EXOC4: variants seen among roughly 807,000 people sequenced by gnomAD.
The protein encoded by EXOC4 is SEC8-like 1.
A neutral mutation model predicts 107.2 loss-of-function variants in EXOC4; 71 were observed. That is an observed-to-expected ratio of 0.66 (90% CI 0.55 to 0.81). The LOEUF is 0.81. Ranked by LOEUF, EXOC4 falls within the 30% of genes least tolerant of loss-of-function variation. EXOC4 has a pLI of 0.00. For synonymous variants in EXOC4, 456 were observed against 441.2 expected (o/e 1.03, Z -0.42); for missense variants, 1,108 against 1,189.6 (o/e 0.93, Z 1.01).
chr7:133,563,500 G>GT (rs1800848522), intron 9 of EXOC4, among the ~76,000 whole-genome samples: 1 of 152,150 alleles, frequency 6.6e-6, no homozygotes, highest in African/African-American at 2.4e-5. Context: ...TGTCGAAAAA[G>GT]TAAGATGATT....
intron 5 of EXOC4, among the ~76,000 whole-genome samples, chr7:133,352,095 T>C (rs1360040396): frequency 1.3e-5 from 2 of 151,994 alleles, no homozygotes; most frequent in African/African-American, 4.8e-5. Context: ...GGCAGCCTAA[T>C]ATATGGTTTG....
rs1008946324 is a variant in EXOC4 at position 133,722,429 on chromosome 7, A to G, written c.1514+92288A>G. ...TTTCTCCTTTAGAAATCAAGATTCT[A>G]CAGAATGAGAAATGCTAAGGAAGCA... On this transcript the variant is annotated intron_variant, in intron 10 of 17. Coordinates refer to ENST00000253861, the MANE Select transcript of EXOC4 (RefSeq NM_021807.4). Among the ~76,000 whole-genome samples, 8 of 152,214 alleles carry G rather than the reference A, an allele frequency of 5.3e-5. 1 individual carries two copies. Among genetic ancestry groups the G allele is most frequent in the Non-Finnish European group, 1.2e-4 (8 of 68,036 alleles).
intron 10 of EXOC4, among the ~76,000 whole-genome samples, chr7:133,653,642 T>C (rs764115895): frequency 2.6e-5 from 4 of 152,220 alleles, no homozygotes; most frequent in Admixed American, 6.5e-5. Context: ...CCTTTCCCTA[T>C]ATAGCTGAGT....
At chr7:133,538,904 G>A (rs1800328860) in intron 9 of EXOC4, among the ~76,000 whole-genome samples, 1 of 149,174 alleles carries the variant, frequency 6.7e-6, no homozygotes, top group African/African-American at 2.5e-5. Flanking sequence ...AGGGAGGGAA[G>A]GAAGGAAGGA....
chr7:133,345,458 ATC>A (rs1164791075), intron 5 of EXOC4, among the ~76,000 whole-genome samples: 2 of 152,144 alleles, frequency 1.3e-5, no homozygotes, highest in Non-Finnish European at 2.9e-5. Flanking sequence ...CAGTTTATTC[ATC>A]TGTTCCTTGT....
At chr7:133,411,934 G>T (rs919360327) in intron 7 of EXOC4, among the ~76,000 whole-genome samples, 1 of 152,066 alleles carries the variant, frequency 6.6e-6, no homozygotes, top group African/African-American at 2.4e-5. Flanking sequence ...GTGCTCACCT[G>T]CTGTTTTTCT....
At chr7:133,703,770 G>A (rs1364593056) in intron 10 of EXOC4, among the ~76,000 whole-genome samples, 5 of 152,088 alleles carry the variant, frequency 3.3e-5, no homozygotes, top group Non-Finnish European at 7.4e-5. Flanking sequence ...ATCAGCTGTG[G>A]CCAGTGTCGT....
At chr7:133,680,826 A>G (rs2151067971) in intron 10 of EXOC4, among the ~76,000 whole-genome samples, 1 of 152,294 alleles carries the variant, frequency 6.6e-6, no homozygotes, top group East Asian at 1.9e-4. Context: ...CATTATAATA[A>G]ATACCAACAT....
intron 11 of EXOC4, among the ~76,000 whole-genome samples, chr7:133,878,426 C>T (rs767351369): frequency 1.1e-4 from 17 of 152,198 alleles, no homozygotes; most frequent in Non-Finnish European, 1.8e-4. Flanking sequence ...CCTCTATTTC[C>T]TGTTACTAGA....
the EXOC4 span, among the ~76,000 whole-genome samples, chr7:134,076,398 G>A: frequency 1.3e-5 from 2 of 152,156 alleles, no homozygotes; most frequent in African/African-American, 4.8e-5. Context: ...GGCACCTGTA[G>A]TCCCAGCTAC....
intron 14 of EXOC4, among the ~76,000 whole-genome samples, chr7:133,963,075 C>T (rs558242963): frequency 5.1e-4 from 77 of 152,362 alleles, no homozygotes; most frequent in Non-Finnish European, 9.3e-4. Context: ...GAGTTGATCC[C>T]GAGCAAAGGA....
At chr7:133,587,778 A>G (rs1352160897) in intron 9 of EXOC4, among the ~76,000 whole-genome samples, 2 of 152,176 alleles carry the variant, frequency 1.3e-5, no homozygotes, top group African/African-American at 2.4e-5. Flanking sequence ...GTTTTTTTCC[A>G]AAGAAGTTAT....
At chr7:133,915,962 A>C (rs1485938795) in intron 12 of EXOC4, among the ~76,000 whole-genome samples, 2 of 152,252 alleles carry the variant, frequency 1.3e-5, no homozygotes, top group Non-Finnish European at 2.9e-5. Context: ...TTAGAAGAAT[A>C]AGAGAGCAAA....
At chr7:133,487,116 G>A (rs1277172973) in intron 9 of EXOC4, among the ~76,000 whole-genome samples, 3 of 152,092 alleles carry the variant, frequency 2.0e-5, no homozygotes, top group Admixed American at 2.0e-4. Context: ...GACAAACCAT[G>A]CATAGCTGAA....
At position 133,500,365 on chromosome 7, in the gene EXOC4, T is replaced by C. The variant is rs2150886409; in HGVS notation, c.1417+20227T>C. Among the ~76,000 whole-genome samples the C allele has an allele frequency of 2.0e-5, 3 of 152,352 alleles. No individual in the cohort carries two copies. In the South Asian group the frequency reaches 6.2e-4, roughly 32 times the overall value. On this transcript the variant is annotated intron_variant, in intron 9 of 17. Transcript: ENST00000253861. Reference sequence around the variant, plus strand: ...TCATAATAGATGAGCTTACAACTTCTATAATTTGATATAACTGGAATCATA... The same window carrying C: ...TCATAATAGATGAGCTTACAACTTCCATAATTTGATATAACTGGAATCATA...
chr7:133,667,336 G>A (rs1031955895), intron 10 of EXOC4, among the ~76,000 whole-genome samples: 14 of 148,886 alleles, frequency 9.4e-5, no homozygotes, highest in Non-Finnish European at 1.8e-4. Flanking sequence ...TCCATCATTT[G>A]CCTTCTTCCA....
the EXOC4 span, among the ~76,000 whole-genome samples, chr7:134,072,709 C>G: frequency 6.6e-6 from 1 of 152,204 alleles, no homozygotes; most frequent in Non-Finnish European, 1.5e-5. Flanking sequence ...TCTGTTGCCT[C>G]ATCTTTGAAA....
At chr7:134,098,389 A>G in the EXOC4 span, among the ~76,000 whole-genome samples, 4 of 152,184 alleles carry the variant, frequency 2.6e-5, no homozygotes, top group Admixed American at 6.5e-5. Flanking sequence ...TAGTGCTCAC[A>G]TCAGTCATGA....
chr7:133,740,467 G>A (rs73150902), intron 10 of EXOC4, among the ~76,000 whole-genome samples: 11,285 of 152,186 alleles, frequency 0.074, 473 homozygotes, highest in Middle Eastern at 0.12. Context: ...CATTTACATA[G>A]TGACACTGCT....
Sources: allele counts gnomAD v4.1 joint callset (sites outside exome capture counted in the v4.1 genomes callset), GRCh38; gene constraint gnomAD v4.1.1; transcripts MANE v1.5; gene names NCBI Gene and HGNC (gene_info 2026-07-23, HGNC 2026-07-21).